Variants in BNC2 observed in about 807,000 individuals in gnomAD.
BNC2 encodes the protein basonuclin zinc finger protein 2.
Under a neutral mutation model 76.3 loss-of-function variants are expected in BNC2, and 20 were observed. That is an observed-to-expected ratio of 0.26 (90% CI 0.18 to 0.38). The LOEUF is 0.38. Ranked by LOEUF, BNC2 falls within the 10% of genes least tolerant of loss-of-function variation. The probability of loss-of-function intolerance (pLI) is 1.00; values close to 1 mark genes in which losing one functional copy is unlikely to be tolerated. For synonymous variants in BNC2, 582 were observed against 514.8 expected (o/e 1.13, Z -1.77); for missense variants, 1,382 against 1,399.8 (o/e 0.99, Z 0.20).
intron 3 of BNC2, among the ~76,000 whole-genome samples, chr9:16,707,046 C>T (rs1823695875): frequency 3.9e-5 from 6 of 152,086 alleles, no homozygotes; most frequent in Admixed American, 3.9e-4. Context: ...ACTAAAAATA[C>T]AAAAAATTAG....
At chr9:16,559,284 TTTTTAG>T (rs1818939231) in intron 4 of BNC2, among the ~76,000 whole-genome samples, 1 of 152,138 alleles carries the variant, frequency 6.6e-6, no homozygotes, top group Non-Finnish European at 1.5e-5. Context: ...TTGCCATTTA[TTTTTAG>T]TTTATCAGCT....
intron 1 of BNC2, among the ~76,000 whole-genome samples, chr9:16,783,838 C>T (rs547693920): frequency 9.9e-5 from 15 of 152,260 alleles, no homozygotes; most frequent in African/African-American, 3.6e-4. Flanking sequence ...CTTTGGCTAA[C>T]TGACAACCCA....
At chr9:16,801,900 G>C (rs1817793052) in intron 1 of BNC2, among the ~76,000 whole-genome samples, 1 of 152,014 alleles carries the variant, frequency 6.6e-6, no homozygotes, top group Non-Finnish European at 1.5e-5. Flanking sequence ...CAAGTCTGAA[G>C]TTATCATTAT....
At chr9:16,779,095 T>C (rs1359472043) in intron 1 of BNC2, among the ~76,000 whole-genome samples, 1 of 123,792 alleles carries the variant, frequency 8.1e-6, no homozygotes, top group Non-Finnish European at 1.6e-5. Flanking sequence ...CCTAGGTTAC[T>C]CCATCTCTAC....
intron 3 of BNC2, among the ~76,000 whole-genome samples, chr9:16,680,907 T>G (rs973372537): frequency 2.0e-5 from 3 of 152,196 alleles, no homozygotes; most frequent in African/African-American, 7.2e-5. Flanking sequence ...TCCATATCAA[T>G]TTCGACAATG....
At chr9:16,765,244 TG>T (rs886225527) in intron 1 of BNC2, among the ~76,000 whole-genome samples, 3 of 152,176 alleles carry the variant, frequency 2.0e-5, no homozygotes, top group African/African-American at 7.2e-5. Flanking sequence ...GGATGTTTTC[TG>T]GGGTCACAAT....
In BNC2 at chr9:16,449,841, CG is replaced by C. The variant is rs543844239; in HGVS notation, c.670-12318del. Among the ~76,000 whole-genome samples, 73 of 79,712 alleles carry C rather than the reference CG, an allele frequency of 9.2e-4. No individual in the cohort carries two copies. In the East Asian group the frequency reaches 0.014, roughly 16 times the overall value. The allele number at this position is 79,712 out of a possible 152,430, so 52.3% of individuals were successfully genotyped here. A position where few individuals can be genotyped will look rare whatever the true frequency, so the allele number is the denominator to read the frequency against. On this transcript the variant is annotated intron_variant, in intron 5 of 6. Transcript: ENST00000380672. The stretch of plus-strand genomic sequence containing the variant: ...ATGGGAATAAAAGTTAAAGGTGGGG[CG>C]GGGGGGGAGGGTAACTAAAATTGTA...
intron 5 of BNC2, among the ~76,000 whole-genome samples, chr9:16,479,097 T>C (rs1000123764): frequency 6.6e-6 from 1 of 151,548 alleles, no homozygotes; most frequent in African/African-American, 2.4e-5. Flanking sequence ...ACCAAAAAAA[T>C]AAAAATTAGC....
chr9:16,868,801 TG>T, intron 1 of BNC2, among the ~76,000 whole-genome samples: 1 of 152,200 alleles, frequency 6.6e-6, no homozygotes, highest in Admixed American at 6.5e-5. Flanking sequence ...GGATTGTGTG[TG>T]TGTGTGTGTT....
intron 1 of BNC2, among the ~76,000 whole-genome samples, chr9:16,779,159 C>G (rs1009596715): frequency 2.0e-4 from 23 of 116,494 alleles, no homozygotes; most frequent in African/African-American, 6.6e-4. Flanking sequence ...AAAAAACCAG[C>G]CAAGCATGGT....
chr9:16,421,629 C>A (rs906635827), intron 6 of BNC2, among the ~76,000 whole-genome samples: 5 of 152,110 alleles, frequency 3.3e-5, no homozygotes, highest in Admixed American at 2.0e-4. Context: ...AAGTTGTCCC[C>A]ACGGTCCCTG....
intron 1 of BNC2, among the ~76,000 whole-genome samples, chr9:16,861,615 G>C (rs1048550417): frequency 2.0e-5 from 3 of 152,100 alleles, no homozygotes; most frequent in Admixed American, 6.6e-5. Flanking sequence ...CAAAACCACA[G>C]AGATATCACT....
At chr9:16,751,943 T>G (rs1256129556) in intron 1 of BNC2, among the ~76,000 whole-genome samples, 1 of 151,884 alleles carries the variant, frequency 6.6e-6, no homozygotes, top group Non-Finnish European at 1.5e-5. Flanking sequence ...GCAAAAGAAT[T>G]GCTTGAATCC....
At chr9:16,717,270 T>C (rs1824018565) in intron 3 of BNC2, among the ~76,000 whole-genome samples, 1 of 152,218 alleles carries the variant, frequency 6.6e-6, no homozygotes, top group African/African-American at 2.4e-5. Context: ...AGTGTTCACA[T>C]TACTTTCTTT....
At chr9:16,459,926 G>C (rs1179236718) in intron 5 of BNC2, among the ~76,000 whole-genome samples, 4 of 152,168 alleles carry the variant, frequency 2.6e-5, no homozygotes, top group African/African-American at 9.7e-5. Context: ...CTTTGAGAAA[G>C]AAAATGAAAG....
At chr9:16,560,286 G>C (rs77675043) in intron 4 of BNC2, among the ~76,000 whole-genome samples, 4,181 of 152,312 alleles carry the variant, frequency 0.027, 136 homozygotes, top group South Asian at 0.18. Context: ...CAGCAAAATA[G>C]TTGGAAATTA....
At chr9:16,497,939 C>A (rs144293592) in intron 5 of BNC2, among the ~76,000 whole-genome samples, 14,358 of 149,486 alleles carry the variant, frequency 0.096, 2,018 homozygotes, top group African/African-American at 0.31. Context: ...TGGAACCAAC[C>A]CAAATGCCCA....
At chr9:16,525,857 T>A (rs963569758) in intron 5 of BNC2, among the ~76,000 whole-genome samples, 1 of 152,220 alleles carries the variant, frequency 6.6e-6, no homozygotes, top group African/African-American at 2.4e-5. Context: ...CAATATCACT[T>A]ACTTTCAACC....
rs1022097736 is a variant in BNC2, at chr9:16,552,433, G to A, written c.669+97C>T. 1.8e-5 allele frequency: 18 copies of A among 973,632 alleles called. No homozygotes were observed. The Admixed American group carries it at 2.8e-4, about 15-fold the overall frequency. The allele number at this position is 973,632 out of a possible 1,614,324, so 60.3% of individuals were successfully genotyped here. A position where few individuals can be genotyped will look rare whatever the true frequency, so the allele number is the denominator to read the frequency against. Reference sequence around the variant, plus strand: ...GAAACGACCACTTTAACCAGAGGAGGGTGTGCAGCCCTTCCTGCGAGGTTT... The same window carrying A: ...GAAACGACCACTTTAACCAGAGGAGAGTGTGCAGCCCTTCCTGCGAGGTTT... On this transcript the variant is annotated intron_variant, in intron 5 of 6. Transcript: ENST00000380672.
Sources: gnomAD v4.1 joint callset for allele counts (sites outside exome capture counted in the v4.1 genomes callset) on GRCh38, gnomAD v4.1.1 for gene constraint, MANE v1.5 for transcripts, NCBI Gene and HGNC (gene_info 2026-07-23, HGNC 2026-07-21) for gene names.